KNG1: variants seen among roughly 807,000 people sequenced by gnomAD.
KNG1 encodes the protein kininogen 1, also known as kininogen-1.
KNG1 carries 23 observed loss-of-function variants against 47.8 expected under a neutral mutation model. The observed-to-expected ratio is 0.48, with a 90% CI of 0.35 to 0.68. The LOEUF is 0.68. Among genes scored for constraint, KNG1 ranks in the 30% least tolerant of loss-of-function variants. The pLI, the probability that KNG1 is intolerant of heterozygous loss-of-function variation, is 0.01. For synonymous variants in KNG1, 277 were observed against 277.0 expected (o/e 1.00, Z 0.00); for missense variants, 762 against 790.2 (o/e 0.96, Z 0.43).
chr3:186,717,784 T>C, intron 1 of KNG1, 47 bp downstream of exon 1: 5 of 1,384,872 alleles, frequency 3.6e-6, no homozygotes, highest in Non-Finnish European at 5.1e-6. Context: ...ATTTGTACTA[T>C]CACTAGGAGT....
rs149587344 is a variant in KNG1, at chr3:186,734,864, A to G, written c.930+2190A>G. On this transcript the variant is annotated intron_variant, in intron 7 of 9. Coordinates refer to ENST00000644859, the MANE Select transcript of KNG1 (RefSeq NM_001102416.3). ...AAACAAACAAAAAAACGAATGCCTC[A>G]TAGTCATAGTGGTGATTTTTAGGTG... is the stretch of plus-strand genomic sequence containing the variant. The G allele has an allele frequency of 4.6e-5, 7 of 152,278 alleles. No individual in the cohort carries two copies. The East Asian group carries it at 1.4e-3, about 30-fold the overall frequency. 9.4% of individuals were successfully genotyped at this position (152,278 alleles called of 1,614,324 possible). A position where few individuals can be genotyped will look rare whatever the true frequency, so the allele number is the denominator to read the frequency against.
chr3:186,742,026 G>A lies in KNG1; in HGVS notation c.1630G>A (p.Gly544Arg), dbSNP rs1720827570. 1 of 1,614,018 alleles carries A rather than the reference G, an allele frequency of 6.2e-7. No individual in the cohort carries two copies. The highest frequency in any genetic ancestry group is 1.3e-5 in the African/African-American group (1 of 74,914). Residue 544 changes from glycine to arginine, a missense_variant, in exon 10 of 10, where the codon GGG becomes AGG. Coordinates refer to ENST00000644859, the MANE Select transcript of KNG1 (RefSeq NM_001102416.3). ...TGCACAGACACAAGAGAAGACAGAA[G>A]GGCCAACACCCATCCCTTCCCTAGC... ...PSAQTQEKTEGPTPIPSLAKP... is the reference protein window; with the variant it reads ...PSAQTQEKTERPTPIPSLAKP...
chr3:186,727,507 C>G (rs1483982561), intron 5 of KNG1, among the ~76,000 whole-genome samples, 163 bp downstream of exon 5: 2 of 152,192 alleles, frequency 1.3e-5, no homozygotes, highest in African/African-American at 4.8e-5. Context: ...ACTGGTCAAG[C>G]TGCCTTACCT....
intron 5 of KNG1, among the ~76,000 whole-genome samples, chr3:186,729,549 T>C (rs1720455820): frequency 6.6e-6 from 1 of 152,204 alleles, no homozygotes; most frequent in African/African-American, 2.4e-5. Context: ...AGCTTGAAAA[T>C]ATTATGTTAA....
chr3:186,731,525 A>G lies in KNG1; in HGVS notation c.673-20A>G, dbSNP rs374791597. The stretch of plus-strand genomic sequence containing the variant: ...AAAAAATGTTTTTAACTGAGCACTT[A>G]TATGCTTTTTAAAAACCAGGATACC... On this transcript the variant is annotated intron_variant, in intron 5 of 9. Transcript: ENST00000644859. The G allele has an allele frequency of 3.7e-5, 56 of 1,516,622 alleles. No individual in the cohort carries two copies. The highest frequency in any genetic ancestry group is 4.6e-5 in the Non-Finnish European group (50 of 1,091,332). 93.9% of individuals were successfully genotyped at this position (1,516,622 alleles called of 1,614,324 possible). A position where few individuals can be genotyped will look rare whatever the true frequency, so the allele number is the denominator to read the frequency against.
chr3:186,735,384 G>C (rs1004346436), intron 7 of KNG1, among the ~76,000 whole-genome samples: 2 of 152,114 alleles, frequency 1.3e-5, no homozygotes, highest in African/African-American at 4.8e-5. Flanking sequence ...TTGGGAGGCC[G>C]AGGCAGGTGG....
intron 9 of KNG1, among the ~76,000 whole-genome samples, chr3:186,741,223 A>T (rs1338480460): frequency 6.6e-6 from 1 of 152,014 alleles, no homozygotes. Flanking sequence ...CAAACTCCTG[A>T]CCTCAAGTGA....
In KNG1 at chr3:186,742,101, A is replaced by G; in HGVS notation, c.1705A>G (p.Ile569Val). The stretch of plus-strand genomic sequence containing the variant: ...TTCTGACTTTCAGGACTCTGATCTC[A>G]TTGCAACTATGATGCCTCCTATATC... ...TFSDFQDSDL[I>V]ATMMPPISPA... Residue 569 changes from isoleucine (I) to valine (V), a missense_variant, in exon 10 of 10, where the codon ATT becomes GTT. Physicochemically the swap from Ile to Val is conservative, Grantham distance 29 (BLOSUM62 3). Transcript: ENST00000644859. The G allele has an allele frequency of 6.2e-7, 1 of 1,613,832 alleles. No individual in the cohort carries two copies. The highest frequency in any genetic ancestry group is 1.3e-5 in the African/African-American group (1 of 75,018).
rs778924707 is a variant in KNG1, at chr3:186,743,789, A to G, written c.*1458A>G. On this transcript the variant is annotated 3_prime_UTR_variant, in exon 10 of 10. Coordinates refer to ENST00000644859, the MANE Select transcript of KNG1 (RefSeq NM_001102416.3). ...ATCTGAGAGGGAGGTCTCTTGACCA[A>G]TGGGCAGAATCTTCACTCCAGGCAC... 36 of 1,611,920 alleles carry G rather than the reference A, an allele frequency of 2.2e-5. No individual in the cohort carries two copies. Among genetic ancestry groups the G allele is most frequent in the Non-Finnish European group, 3.1e-5 (36 of 1,177,974 alleles).
At chr3:186,732,749 T>G in intron 7 of KNG1, 75 bp downstream of exon 7, 1 of 1,199,266 alleles carries the variant, frequency 8.3e-7, no homozygotes. Flanking sequence ...GCCACTGATC[T>G]TGGCTCTGGA....
Position 186,731,578 on chromosome 3 carries a change from G to T in KNG1, c.706G>T (p.Asp236Tyr), listed in dbSNP as rs774986365. 3 of 1,611,876 alleles carry T rather than the reference G, an allele frequency of 1.9e-6. No individual in the cohort carries two copies. The highest frequency in any genetic ancestry group is 1.7e-6 in the Non-Finnish European group (2 of 1,178,024). Reference protein sequence around the residue: ...TGECTDNAYIDIQLRIASFSQ... With the variant: ...TGECTDNAYIYIQLRIASFSQ... ...TGAATGTACAGATAATGCATACATC[G>T]ATATTCAGCTACGAATTGCTTCCTT... The change falls in exon 6 of 10, where the codon GAT becomes TAT. Residue 236 changes from aspartate (D) to tyrosine (Y), a missense_variant. Asp to Tyr is a radical substitution (Grantham distance 160, BLOSUM62 -3). Transcript: ENST00000644859.
chr3:186,740,520 T>G (rs907622208), intron 9 of KNG1, among the ~76,000 whole-genome samples: 25 of 152,234 alleles, frequency 1.6e-4, no homozygotes, highest in Non-Finnish European at 3.5e-4. Context: ...GTTCTTTGCA[T>G]CACCAGACAC....
chr3:186,737,829 G>A lies in KNG1; in HGVS notation c.931-1270G>A, dbSNP rs573505368. Among the ~76,000 whole-genome samples, 277 of 152,158 alleles carry A rather than the reference G, an allele frequency of 1.8e-3. 1 individual carries two copies. Among genetic ancestry groups the A allele is most frequent in the African/African-American group, 6.2e-3 (259 of 41,504 alleles). ...CCCGCCTCAGGCCCCCAAAGTGCTG[G>A]AATTACAGGCAGGAGCCACTATTCC... On this transcript the variant is annotated intron_variant, in intron 7 of 9. Transcript: ENST00000644859.
chr3:186,722,703 C>T (rs1185645310), intron 3 of KNG1, among the ~76,000 whole-genome samples, 182 bp downstream of exon 3: 2 of 152,250 alleles, frequency 1.3e-5, no homozygotes, highest in Admixed American at 6.5e-5. Context: ...TTGTGACCAT[C>T]ATCCCCTTAG....
intron 8 of KNG1, 21 bp downstream of exon 8, chr3:186,739,227 CT>C: frequency 6.3e-7 from 1 of 1,597,994 alleles, no homozygotes; most frequent in East Asian, 2.2e-5. Context: ...ATGCACCTGT[CT>C]ACTTTTTCAC....
intron 9 of KNG1, among the ~76,000 whole-genome samples, chr3:186,740,347 C>G (rs1213116013): frequency 6.6e-6 from 1 of 152,160 alleles, no homozygotes; most frequent in Non-Finnish European, 1.5e-5. Flanking sequence ...ATTTTCGAGT[C>G]CTCCTTATAA....
rs1308935222 is a variant in KNG1, at chr3:186,724,121, G to A, written c.392-967G>A. On this transcript the variant is annotated intron_variant, in intron 3 of 9. Transcript: ENST00000644859. ...CCAGTAGCTGGACTACTGGATATAT[G>A]GTATTTGGTGTTTTCATTTTTTGAG... is the stretch of plus-strand genomic sequence containing the variant. Among the ~76,000 whole-genome samples, 3 of 152,126 alleles carry A rather than the reference G, an allele frequency of 2.0e-5. No homozygotes were observed. In the East Asian group the frequency reaches 5.8e-4, roughly 29 times the overall value.
Position 186,742,901 on chromosome 3 carries a change from A to T in KNG1, c.*570A>T. 1 of 979,074 alleles carries T rather than the reference A, an allele frequency of 1.0e-6. No individual in the cohort carries two copies. Among genetic ancestry groups the T allele is most frequent in the South Asian group, 4.7e-5 (1 of 21,176 alleles). 60.6% of individuals were successfully genotyped at this position (979,074 alleles called of 1,614,324 possible). On this transcript the variant is annotated 3_prime_UTR_variant, in exon 10 of 10. Coordinates refer to ENST00000644859, the MANE Select transcript of KNG1 (RefSeq NM_001102416.3). ...ATTCTGTCTCAGAAAAAAAGAAAAA[A>T]AAAGAAATAATAAGAAAAACTTCCA...
Position 186,741,574 on chromosome 3 carries a change from T to A in KNG1, c.1178T>A (p.Ile393Lys). Residue 393 changes from isoleucine (I) to lysine (K), a missense_variant, in exon 10 of 10, where the codon ATA (isoleucine) becomes AAA (lysine). Ile to Lys is a moderately radical substitution (Grantham distance 102). Transcript: ENST00000644859. ...TTTTCACCTTTCCGATCATCACGAA[T>A]AGGGGAAATAAAAGAAGAAACAACT... ...PGFSPFRSSR[I>K]GEIKEETTVS... is the part of the protein sequence containing the mutation. 6.2e-7 allele frequency: 1 copy of A among 1,610,390 alleles called. No individual in the cohort carries two copies. The highest frequency in any genetic ancestry group is 8.5e-7 in the Non-Finnish European group (1 of 1,179,036).
Sources: gnomAD v4.1 joint callset for allele counts (sites outside exome capture counted in the v4.1 genomes callset) on GRCh38, gnomAD v4.1.1 for gene constraint, MANE v1.5 for transcripts, NCBI Gene and HGNC (gene_info 2026-07-23, HGNC 2026-07-21) for gene names.